Variants in PTPRD observed in about 807,000 individuals in gnomAD.
PTPRD encodes protein tyrosine phosphatase receptor type D, also known as receptor-type tyrosine-protein phosphatase delta.
In PTPRD, 34 loss-of-function variants were observed where a neutral mutation model predicts 214.5. The observed-to-expected ratio is 0.16, with a 90% CI of 0.12 to 0.21. The LOEUF is 0.21. Ranked by LOEUF, PTPRD falls within the 10% of genes least tolerant of loss-of-function variation. The pLI is 1.00. For missense variants in PTPRD, 2,545 were observed against 2,398.7 expected (o/e 1.06, Z -1.27); for synonymous variants, 1,128 against 845.7 (o/e 1.33, Z -5.79).
intron 23 of PTPRD, among the ~76,000 whole-genome samples, chr9:8,501,813 C>A (rs931672661): frequency 1.3e-5 from 2 of 152,142 alleles, no homozygotes; most frequent in African/African-American, 4.8e-5. Context: ...CTTGTACTTA[C>A]CCTACGTCAG....
At chr9:10,005,257 G>C (rs1206534226) in intron 4 of PTPRD, among the ~76,000 whole-genome samples, 3 of 152,014 alleles carry the variant, frequency 2.0e-5, no homozygotes, top group Non-Finnish European at 4.4e-5. Flanking sequence ...AAGTAAAAGA[G>C]ACCTTAAAAC....
At chr9:9,918,805 G>C (rs1348953835) in intron 5 of PTPRD, among the ~76,000 whole-genome samples, 2 of 152,062 alleles carry the variant, frequency 1.3e-5, no homozygotes, top group Non-Finnish European at 2.9e-5. Flanking sequence ...CTGTTGAAAA[G>C]GTAGTATCTT....
intron 2 of PTPRD, among the ~76,000 whole-genome samples, chr9:10,587,243 C>T (rs921177540): frequency 2.8e-4 from 43 of 152,036 alleles, no homozygotes; most frequent in Admixed American, 2.7e-3. Flanking sequence ...CATCTGCCGC[C>T]CTGCCTCCTT....
intron 2 of PTPRD, among the ~76,000 whole-genome samples, chr9:10,451,166 C>A (rs894276031): frequency 6.6e-6 from 1 of 151,838 alleles, no homozygotes; most frequent in Non-Finnish European, 1.5e-5. Context: ...GTTTAAAACA[C>A]CTCAAGTGGC....
chr9:8,628,174 G>A (rs889581560), intron 14 of PTPRD, among the ~76,000 whole-genome samples: 12 of 151,644 alleles, frequency 7.9e-5, no homozygotes, highest in African/African-American at 2.9e-4. Context: ...TAACATAAAC[G>A]GCAAAGTACC....
At chr9:8,640,681 TAA>T (rs59897269) in intron 12 of PTPRD, among the ~76,000 whole-genome samples, 384 of 133,116 alleles carry the variant, frequency 2.9e-3, no homozygotes, top group Middle Eastern at 0.012. Flanking sequence ...AGAAATTCTG[TAA>T]AAAAAAAAAA....
intron 5 of PTPRD, among the ~76,000 whole-genome samples, chr9:9,854,779 A>G (rs1484015746): frequency 6.6e-6 from 1 of 152,154 alleles, no homozygotes; most frequent in East Asian, 1.9e-4. Context: ...AAAACAGAAT[A>G]TCTGACCTTT....
intron 7 of PTPRD, among the ~76,000 whole-genome samples, chr9:9,620,951 C>A (rs1011998352): frequency 1.4e-4 from 22 of 152,000 alleles, no homozygotes; most frequent in African/African-American, 5.3e-4. Context: ...TATTGCAAGC[C>A]AGTCAGTGCT....
rs2136986131 is a variant in PTPRD at position 8,500,988 on chromosome 9, G to T, written c.1894C>A (p.Pro632Thr). The T allele has an allele frequency of 6.2e-7, 1 of 1,614,122 alleles. No homozygotes were observed. The highest frequency in any genetic ancestry group is 8.5e-7 in the Non-Finnish European group (1 of 1,180,006). Residue 632 changes from proline to threonine, a missense_variant, in exon 24 of 46, where the codon CCT becomes ACT. Coordinates refer to ENST00000381196, the MANE Select transcript of PTPRD (RefSeq NM_002839.4). ...SSTSILVSWQ[P>T]PPVEKQNGII... ...CCATTCTGTTTTTCCACTGGTGGAGGTTGCCAACTTACCAAAATACTAGTG... is the reference window on the plus strand; with the variant it reads ...CCATTCTGTTTTTCCACTGGTGGAGTTTGCCAACTTACCAAAATACTAGTG...
intron 9 of PTPRD, among the ~76,000 whole-genome samples, chr9:9,319,704 C>T (rs1965425000): frequency 6.6e-6 from 1 of 151,990 alleles, no homozygotes; most frequent in African/African-American, 2.4e-5. Flanking sequence ...TCAAAAATTC[C>T]AAAAAGAAGG....
chr9:9,959,408 T>C (rs12353258), intron 4 of PTPRD, among the ~76,000 whole-genome samples: 6,828 of 152,252 alleles, frequency 0.045, 162 homozygotes, highest in Non-Finnish European at 0.059. Flanking sequence ...CAAGTTTTAC[T>C]GATATTGTAA....
At chr9:9,436,972 GACT>G (rs2085527846) in intron 8 of PTPRD, among the ~76,000 whole-genome samples, 1 of 151,832 alleles carries the variant, frequency 6.6e-6, no homozygotes, top group Non-Finnish European at 1.5e-5. Context: ...TAGCCTCTCT[GACT>G]ACTTTCTTCA....
rs542102520 is a variant in PTPRD at position 9,357,363 on chromosome 9, C to A, written c.-203+40086G>T. 5.3e-5 allele frequency among the ~76,000 whole-genome samples: 8 copies of A among 151,386 alleles called. 1 individual carries two copies. In the South Asian group the frequency reaches 1.0e-3, roughly 20 times the overall value. On this transcript the variant is annotated intron_variant, in intron 9 of 45. Transcript: ENST00000381196. ...ATTTAAAGCCAGATAAAATTTAATT[C>A]ATTTTACCAATTTTTATTCCTAAAG...
chr9:8,329,754 T>G (rs1734136492), intron 44 of PTPRD, among the ~76,000 whole-genome samples: 1 of 152,122 alleles, frequency 6.6e-6, no homozygotes, highest in Non-Finnish European at 1.5e-5. Context: ...TTGGCCTTGC[T>G]GAGCTGCAGT....
chr9:9,471,333 G>C (rs888967740), intron 8 of PTPRD, among the ~76,000 whole-genome samples: 4 of 152,052 alleles, frequency 2.6e-5, no homozygotes, highest in African/African-American at 4.8e-5. Flanking sequence ...TTATTATACT[G>C]TCAACAGTGA....
intron 4 of PTPRD, among the ~76,000 whole-genome samples, chr9:9,993,748 T>A (rs1479207271): frequency 1.4e-5 from 2 of 145,556 alleles, no homozygotes; most frequent in Admixed American, 7.0e-5. Flanking sequence ...TTGTGAATAT[T>A]TAATGAGTTA....
At chr9:10,057,256 C>G (rs1340618500) in intron 3 of PTPRD, among the ~76,000 whole-genome samples, 1 of 152,098 alleles carries the variant, frequency 6.6e-6, no homozygotes, top group Non-Finnish European at 1.5e-5. Flanking sequence ...ACATAGTAAA[C>G]TACTGGTGCA....
intron 4 of PTPRD, among the ~76,000 whole-genome samples, chr9:9,967,089 C>A (rs6477430): frequency 0.63 from 96,219 of 151,916 alleles, 32,456 homozygotes; most frequent in East Asian, 0.92. Context: ...GGGTAAGTCC[C>A]TGTAGTATAA....
intron 8 of PTPRD, among the ~76,000 whole-genome samples, chr9:9,507,272 A>C (rs1466460498): frequency 6.6e-6 from 1 of 151,240 alleles, no homozygotes; most frequent in East Asian, 1.9e-4. Flanking sequence ...CTATATTCAC[A>C]AACACACAAA....
Sources: allele counts gnomAD v4.1 joint callset (sites outside exome capture counted in the v4.1 genomes callset), GRCh38; gene constraint gnomAD v4.1.1; transcripts MANE v1.5; gene names NCBI Gene and HGNC (gene_info 2026-07-23, HGNC 2026-07-21).